MDGA2: variants seen among roughly 807,000 people sequenced by gnomAD.
MDGA2 encodes MAM domain-containing glycosylphosphatidylinositol anchor protein 2.
Under a neutral mutation model 117.8 loss-of-function variants are expected in MDGA2, and 40 were observed. The ratio of observed to expected loss-of-function variants is 0.34; its 90% CI spans 0.26 to 0.44. MDGA2 has a LOEUF of 0.44. Among genes scored for constraint, MDGA2 ranks in the 20% least tolerant of loss-of-function variants. The pLI, the probability that MDGA2 is intolerant of heterozygous loss-of-function variation, is 1.00. For missense variants in MDGA2, 1,123 were observed against 1,250.6 expected (o/e 0.90, Z 1.54); for synonymous variants, 452 against 439.0 (o/e 1.03, Z -0.37).
intron 1 of MDGA2, among the ~76,000 whole-genome samples, chr14:47,506,502 A>T (rs17118815): frequency 6.6e-6 from 1 of 152,150 alleles, no homozygotes; most frequent in East Asian, 1.9e-4. Flanking sequence ...CTTTTCCTTT[A>T]TAGGCTGGAA....
At chr14:47,556,241 C>G (rs558917789) in intron 1 of MDGA2, among the ~76,000 whole-genome samples, 3 of 152,142 alleles carry the variant, frequency 2.0e-5, no homozygotes, top group African/African-American at 7.2e-5. Context: ...TAATCAAACA[C>G]AAACTCCAGA....
At chr14:47,567,696 C>A (rs1463805672) in intron 1 of MDGA2, among the ~76,000 whole-genome samples, 1 of 152,194 alleles carries the variant, frequency 6.6e-6, no homozygotes, top group Non-Finnish European at 1.5e-5. Context: ...TTCCACTTCC[C>A]TAACACCCCT....
intron 3 of MDGA2, among the ~76,000 whole-genome samples, chr14:47,181,308 C>T (rs752242015): frequency 6.6e-6 from 1 of 152,004 alleles, no homozygotes; most frequent in South Asian, 2.1e-4. Flanking sequence ...TGTTCCACTC[C>T]TATTTATGAG....
At chr14:47,365,534 G>T (rs554740576) in intron 1 of MDGA2, among the ~76,000 whole-genome samples, 79 of 152,332 alleles carry the variant, frequency 5.2e-4, no homozygotes, top group African/African-American at 1.9e-3. Context: ...CCTAGGAAAG[G>T]CCTAGACAGC....
At chr14:47,146,622 A>C (rs972871336) in intron 3 of MDGA2, among the ~76,000 whole-genome samples, 13 of 152,176 alleles carry the variant, frequency 8.5e-5, no homozygotes, top group African/African-American at 2.9e-4. Context: ...TTCAATTGTA[A>C]ACAATTTACT....
chr14:47,304,394 G>A (rs1889375687), intron 1 of MDGA2, among the ~76,000 whole-genome samples: 1 of 152,104 alleles, frequency 6.6e-6, no homozygotes, highest in South Asian at 2.1e-4. Flanking sequence ...GTCTGTCATA[G>A]TTAAATTAGT....
chr14:46,896,950 C>T (rs1883099744), intron 10 of MDGA2, among the ~76,000 whole-genome samples: 1 of 152,098 alleles, frequency 6.6e-6, no homozygotes, highest in Non-Finnish European at 1.5e-5. Flanking sequence ...CTGTGTGAGG[C>T]CTCTGGGAAG....
At chr14:47,505,433 T>A (rs1314706348) in intron 1 of MDGA2, among the ~76,000 whole-genome samples, 1 of 152,162 alleles carries the variant, frequency 6.6e-6, no homozygotes, top group Admixed American at 6.5e-5. Context: ...TTACACAACA[T>A]AGATCTGTAT....
intron 1 of MDGA2, among the ~76,000 whole-genome samples, chr14:47,499,412 T>TC (rs1046539168): frequency 8.5e-5 from 13 of 152,058 alleles, no homozygotes; most frequent in African/African-American, 3.1e-4. Context: ...TAGTTCTTTC[T>TC]CCCCCCATTG....
chr14:46,874,690 G>A (rs2138368376), intron 12 of MDGA2, among the ~76,000 whole-genome samples: 1 of 151,884 alleles, frequency 6.6e-6, no homozygotes, highest in East Asian at 1.9e-4. Context: ...TGTGTTTAGG[G>A]CAAGCTAATA....
At chr14:47,070,111 A>G (rs899485230) in intron 6 of MDGA2, among the ~76,000 whole-genome samples, 1 of 152,168 alleles carries the variant, frequency 6.6e-6, no homozygotes, top group Non-Finnish European at 1.5e-5. Context: ...ACAATTAAAT[A>G]ATCATAATTG....
intron 1 of MDGA2, among the ~76,000 whole-genome samples, chr14:47,620,493 T>C (rs1421865589): frequency 7.9e-5 from 12 of 152,234 alleles, no homozygotes; most frequent in Admixed American, 7.2e-4. Flanking sequence ...CATCTAATAA[T>C]AGATGTATAT....
intron 5 of MDGA2, among the ~76,000 whole-genome samples, chr14:47,102,224 C>T (rs1880365067): frequency 6.6e-6 from 1 of 151,676 alleles, no homozygotes; most frequent in South Asian, 2.1e-4. Context: ...TAGTATAAAG[C>T]AGTTAACAAT....
At position 47,260,199 on chromosome 14, in the gene MDGA2, A is replaced by T. The variant is rs536147882; in HGVS notation, c.420+41212T>A. Among the ~76,000 whole-genome samples, 5 of 152,240 alleles carry T rather than the reference A, an allele frequency of 3.3e-5. No homozygotes were observed. The East Asian group carries it at 9.6e-4, about 29-fold the overall frequency. ...AGAAAATGGGTACAAAGTCCAGATG[A>T]GAGCAATGAATCTTTAAATTGATGC... On this transcript the variant is annotated intron_variant, in intron 2 of 16. Transcript: ENST00000399232.
At chr14:47,032,026 C>A (rs978526085) in intron 8 of MDGA2, among the ~76,000 whole-genome samples, 1 of 152,104 alleles carries the variant, frequency 6.6e-6, no homozygotes, top group East Asian at 1.9e-4. Flanking sequence ...ACCAGGCATG[C>A]ATTTTTTTGT....
intron 1 of MDGA2, among the ~76,000 whole-genome samples, chr14:47,473,291 TCA>T (rs1566474673): frequency 1.3e-5 from 2 of 152,106 alleles, no homozygotes; most frequent in African/African-American, 4.8e-5. Context: ...TCCCTCCAAG[TCA>T]CAGAGTATGA....
chr14:47,450,316 C>T (rs1893214928), intron 1 of MDGA2, among the ~76,000 whole-genome samples: 1 of 151,878 alleles, frequency 6.6e-6, no homozygotes. Flanking sequence ...CTTTGAAACA[C>T]ATAAAATAGT....
At chr14:47,491,169 T>C (rs569874814) in intron 1 of MDGA2, among the ~76,000 whole-genome samples, 2 of 152,230 alleles carry the variant, frequency 1.3e-5, no homozygotes, top group South Asian at 2.1e-4. Context: ...CTAAGGCTTA[T>C]AGCTAAACAT....
At chr14:47,341,899 T>C (rs1890635308) in intron 1 of MDGA2, among the ~76,000 whole-genome samples, 1 of 152,032 alleles carries the variant, frequency 6.6e-6, no homozygotes, top group African/African-American at 2.4e-5. Flanking sequence ...AGTGCAGTGG[T>C]CTGATTTTAG....
Sources: gnomAD v4.1 joint callset for allele counts (sites outside exome capture counted in the v4.1 genomes callset) on GRCh38, gnomAD v4.1.1 for gene constraint, MANE v1.5 for transcripts, NCBI Gene and HGNC (gene_info 2026-07-23, HGNC 2026-07-21) for gene names.